Variants in PPARA observed in about 807,000 individuals in gnomAD.
The protein encoded by PPARA is peroxisome proliferator-activated receptor alpha.
Under a neutral mutation model 42.2 loss-of-function variants are expected in PPARA, and 22 were observed. That is an observed-to-expected ratio of 0.52 (90% CI 0.37 to 0.74). The LOEUF (loss-of-function observed/expected upper bound fraction) is 0.74. Among genes scored for constraint, PPARA ranks in the 30% least tolerant of loss-of-function variants. PPARA has a pLI of 0.00. For missense variants in PPARA, 465 were observed against 608.2 expected (o/e 0.76, Z 2.48); for synonymous variants, 242 against 239.3 (o/e 1.01, Z -0.10).
chr22:46,226,700 T>C (rs1935486351), intron 7 of PPARA, among the ~76,000 whole-genome samples: 1 of 151,972 alleles, frequency 6.6e-6, no homozygotes, highest in Non-Finnish European at 1.5e-5. Context: ...TTGGGCAACA[T>C]AGTGAGACCT....
At position 46,232,264 on chromosome 22, in the gene PPARA, G is replaced by A. The variant is rs773183775; in HGVS notation, c.1159+25G>A. On this transcript the variant is annotated intron_variant, in intron 8 of 8. Transcript: ENST00000407236. The surrounding 1 kb of genome is among the most constrained non-coding windows in gnomAD (Gnocchi z 5.3). ...GGTGAGTGGTTGATTTAATCTGCTG[G>A]TATCATGTCACTGACAGGCTCCTGT... 1.9e-6 allele frequency: 3 copies of A among 1,609,726 alleles called. No homozygotes were observed. The highest frequency in any genetic ancestry group is 2.6e-6 in the Non-Finnish European group (3 of 1,176,166).
intron 6 of PPARA, among the ~76,000 whole-genome samples, chr22:46,218,860 G>T (rs1327143586): frequency 1.1e-4 from 15 of 136,804 alleles, no homozygotes; most frequent in African/African-American, 4.3e-4. Flanking sequence ...GAAAAAGAAA[G>T]AAAGAAAGAA....
At position 46,238,693 on chromosome 22, in the gene PPARA, C is replaced by T. The variant is rs572775468; in HGVS notation, c.*3313C>T. The T allele has an allele frequency of 2.6e-5, 4 of 152,398 alleles. No individual in the cohort carries two copies. The highest frequency in any genetic ancestry group is 2.9e-5 in the Non-Finnish European group (2 of 68,086). 9.4% of individuals were successfully genotyped at this position (152,398 alleles called of 1,614,324 possible). A position where few individuals can be genotyped will look rare whatever the true frequency, so the allele number is the denominator to read the frequency against. On this transcript the variant is annotated 3_prime_UTR_variant, in exon 9 of 9. Transcript: ENST00000407236. This position sits in a 1 kb window ranked among gnomAD's most constrained non-coding sequence, Gnocchi z 8.3. ...TCTTGTGTGCCAGCTGGCTGTGGCTCGGGAGCAGACGCAGGCCTCTCCATT... is the reference window on the plus strand; with the variant it reads ...TCTTGTGTGCCAGCTGGCTGTGGCTTGGGAGCAGACGCAGGCCTCTCCATT...
At position 46,231,915 on chromosome 22, in the gene PPARA, A is replaced by G; in HGVS notation, c.835A>G (p.Thr279Ala). The change falls in exon 8 of 9, where the codon ACG becomes GCG. Residue 279 changes from threonine (T) to alanine (A), a missense_variant. This residue lies in a region of PPARA where 313 missense variants were observed against 469.1 expected (regional missense o/e 0.67). Transcript: ENST00000407236. The surrounding 1 kb of genome is among the most constrained non-coding windows in gnomAD (Gnocchi z 7.7). ...EVRIFHCCQCTSVETVTELTE... is the reference protein window; with the variant it reads ...EVRIFHCCQCASVETVTELTE... ...CCGCATCTTTCACTGCTGCCAGTGC[A>G]CGTCAGTGGAGACCGTCACGGAGCT... 1 of 1,614,200 alleles carries G rather than the reference A, an allele frequency of 6.2e-7. No individual in the cohort carries two copies. The highest frequency in any genetic ancestry group is 8.5e-7 in the Non-Finnish European group (1 of 1,179,998).
Position 46,184,533 on chromosome 22 carries a change from T to C in PPARA, c.-43+7697T>C, listed in dbSNP as rs4253686. Among the ~76,000 whole-genome samples, 2,397 of 152,280 alleles carry C rather than the reference T, an allele frequency of 0.016. 62 individuals carry two copies. Among genetic ancestry groups the C allele is most frequent in the African/African-American group, 0.055 (2,266 of 41,542 alleles). ...ATATTTAGAAGGTTTCCAACTGTTA[T>C]CTTTCACTTCCCATGTTGCTGTTGG... On this transcript the variant is annotated intron_variant, in intron 3 of 8. Transcript: ENST00000407236. The surrounding 1 kb of genome is among the most constrained non-coding windows in gnomAD (Gnocchi z 4.4).
intron 2 of PPARA, among the ~76,000 whole-genome samples, chr22:46,153,704 C>G (rs1302274768): frequency 1.3e-5 from 2 of 151,772 alleles, no homozygotes; most frequent in African/African-American, 4.8e-5. Flanking sequence ...ACTAAAAATA[C>G]AAAAATTAGC....
In PPARA at chr22:46,150,556, C is replaced by A. The variant is rs1288471147; in HGVS notation, c.-306C>A. 11 of 136,542 alleles carry A rather than the reference C, an allele frequency of 8.1e-5. No homozygotes were observed. The highest frequency in any genetic ancestry group is 2.8e-4 in the African/African-American group (11 of 38,900). The allele number at this position is 136,542 out of a possible 1,614,324, so 8.5% of individuals were successfully genotyped here. ...CGCGGCGGCCCCGCGGCGGGGGCAG[C>A]GGGCGGCGGGGGCGGAGGCGGCCGC... On this transcript the variant is annotated 5_prime_UTR_variant, in exon 1 of 9. Transcript: ENST00000407236. The surrounding 1 kb of genome is among the most constrained non-coding windows in gnomAD (Gnocchi z 7.5).
At chr22:46,197,313 G>T (rs969571534) in intron 3 of PPARA, among the ~76,000 whole-genome samples, 2 of 151,994 alleles carry the variant, frequency 1.3e-5, no homozygotes, top group Non-Finnish European at 2.9e-5. Context: ...GCCTCCCAAA[G>T]TGCTGGGATT....
rs908243993 is a variant in PPARA at position 46,204,003 on chromosome 22, C to G, written c.208+5412C>G. Among the ~76,000 whole-genome samples, 1 of 152,214 alleles carries G rather than the reference C, an allele frequency of 6.6e-6. No individual in the cohort carries two copies. Among genetic ancestry groups the G allele is most frequent in the African/African-American group, 2.4e-5 (1 of 41,456 alleles). ...TGTGCTGTTTCTAATTCCTCTTTCC[C>G]CAGCCCCGTGCCTCCCTGCCTCCCT... On this transcript the variant is annotated intron_variant, in intron 4 of 8. Coordinates refer to ENST00000407236, the MANE Select transcript of PPARA (RefSeq NM_005036.6). This position sits in a 1 kb window ranked among gnomAD's most constrained non-coding sequence, Gnocchi z 5.2.
chr22:46,186,246 G>C (rs1034737644), intron 3 of PPARA, among the ~76,000 whole-genome samples: 1 of 151,946 alleles, frequency 6.6e-6, no homozygotes, highest in Non-Finnish European at 1.5e-5. Context: ...TAAGTAATGC[G>C]AAGTCCTTGA....
chr22:46,215,291 C>T lies in PPARA; in HGVS notation c.327C>T (p.Ala109=), dbSNP rs5767686. 13 of 1,614,026 alleles carry T rather than the reference C, an allele frequency of 8.1e-6. No homozygotes were observed. Among genetic ancestry groups the T allele is most frequent in the African/African-American group, 2.7e-5 (2 of 74,904 alleles). ...AATGTAGAATCTGCGGGGACAAGGCCTCAGGCTATCATTACGGAGTCCACG... is the reference window on the plus strand; with the variant it reads ...AATGTAGAATCTGCGGGGACAAGGCTTCAGGCTATCATTACGGAGTCCACG... ...NIECRICGDK[A]SGYHYGVHAC... Residue 109 remains alanine, a synonymous_variant, in exon 5 of 9, where the codon GCC becomes GCT. Transcript: ENST00000407236.
In PPARA at chr22:46,226,330, T is replaced by C. The variant is rs528741075; in HGVS notation, c.712-5462T>C. On this transcript the variant is annotated intron_variant, in intron 7 of 8. Coordinates refer to ENST00000407236, the MANE Select transcript of PPARA (RefSeq NM_005036.6). ...CCAAAAAATGAGTGTGGTGTTCAGT[T>C]AAACAACCAAATAATTCTTTAGCAC... Among the ~76,000 whole-genome samples the C allele has an allele frequency of 2.0e-5, 3 of 152,348 alleles. No individual in the cohort carries two copies. In the South Asian group the frequency reaches 6.2e-4, roughly 32 times the overall value.
intron 2 of PPARA, among the ~76,000 whole-genome samples, chr22:46,152,390 C>A (rs974595571): frequency 1.3e-5 from 2 of 152,106 alleles, no homozygotes; most frequent in African/African-American, 4.8e-5. Flanking sequence ...ACCTGTTCCT[C>A]CCAAAGTGCT....
intron 3 of PPARA, among the ~76,000 whole-genome samples, chr22:46,189,706 T>A (rs1196975008): frequency 6.6e-6 from 1 of 151,124 alleles, no homozygotes; most frequent in Non-Finnish European, 1.5e-5. Context: ...TCTTTCTATT[T>A]TTTTTCTTTT....
chr22:46,169,003 C>G (rs146504769), intron 2 of PPARA, among the ~76,000 whole-genome samples: 14 of 151,876 alleles, frequency 9.2e-5, no homozygotes, highest in Non-Finnish European at 1.9e-4. Flanking sequence ...TAAAAAGATG[C>G]GCCAGTGGTT....
intron 2 of PPARA, among the ~76,000 whole-genome samples, chr22:46,175,787 A>G (rs1279530163): frequency 2.6e-5 from 4 of 151,918 alleles, no homozygotes; most frequent in Admixed American, 2.6e-4. Context: ...GGTAATTCTC[A>G]TGAGACTCAT....
chr22:46,180,424 GAA>G lies in PPARA; in HGVS notation c.-43+3589_-43+3590del, dbSNP rs1006230684. ...CCCCACTGAAGTTAGAGTTAAGAAA[GAA>G]TATTAATTTTCCTTGTGTGAAACAT... On this transcript the variant is annotated intron_variant, in intron 3 of 8. Transcript: ENST00000407236. The surrounding 1 kb of genome is among the most constrained non-coding windows in gnomAD (Gnocchi z 4.2). 6.6e-6 allele frequency among the ~76,000 whole-genome samples: 1 copy of G among 152,148 alleles called. No homozygotes were observed. Among genetic ancestry groups the G allele is most frequent in the African/African-American group, 2.4e-5 (1 of 41,424 alleles).
Position 46,190,117 on chromosome 22 carries a change from G to A in PPARA, c.-42-8225G>A, listed in dbSNP as rs931115375. ...TAAATCTTAGCCCAACAAATTGAGC[G>A]AAAAGACTTCTAGATGTTAAATATG... is the stretch of plus-strand genomic sequence containing the variant. On this transcript the variant is annotated intron_variant, in intron 3 of 8. Transcript: ENST00000407236. The surrounding 1 kb of genome is among the most constrained non-coding windows in gnomAD (Gnocchi z 5.6). 7.9e-5 allele frequency among the ~76,000 whole-genome samples: 12 copies of A among 152,118 alleles called. No homozygotes were observed. Among genetic ancestry groups the A allele is most frequent in the South Asian group, 4.1e-4 (2 of 4,824 alleles).
rs1025169287 is a variant in PPARA, at chr22:46,172,331, A to C, written c.-126-4422A>C. Reference sequence around the variant, plus strand: ...AATGCAAGTAATTAAAAAAAAAAAAAAAAAAAAAACAGCATTGGGCCGGGC... The same window carrying C: ...AATGCAAGTAATTAAAAAAAAAAAACAAAAAAAAACAGCATTGGGCCGGGC... On this transcript the variant is annotated intron_variant, in intron 2 of 8. Coordinates refer to ENST00000407236, the MANE Select transcript of PPARA (RefSeq NM_005036.6). Among the ~76,000 whole-genome samples, 38 of 151,886 alleles carry C rather than the reference A, an allele frequency of 2.5e-4. 1 individual carries two copies. The East Asian group carries it at 4.7e-3, about 19-fold the overall frequency.
Sources: gnomAD v4.1 joint callset for allele counts (sites outside exome capture counted in the v4.1 genomes callset) on GRCh38, gnomAD v4.1.1 for gene constraint, gnomAD v4.1.1 regional missense constraint, Gnocchi (gnomAD v3.1) non-coding constraint, MANE v1.5 for transcripts, NCBI Gene and HGNC (gene_info 2026-07-23, HGNC 2026-07-21) for gene names.